PID1: variants seen among roughly 807,000 people sequenced by gnomAD.
The protein encoded by PID1 is phosphotyrosine interaction domain containing 1.
Under a neutral mutation model 19.1 loss-of-function variants are expected in PID1, and 10 were observed. The ratio of observed to expected loss-of-function variants is 0.52; its 90% confidence interval spans 0.32 to 0.89. The LOEUF (loss-of-function observed/expected upper bound fraction) is 0.89. PID1 is among the 40% of genes least tolerant of loss of function. The probability of loss-of-function intolerance (pLI) is 0.03; values close to 1 mark genes in which losing one functional copy is unlikely to be tolerated. For missense variants in PID1, 248 were observed against 285.3 expected, an observed-to-expected ratio of 0.87 and a Z score of 0.94; for synonymous variants, 130 against 116.0, an observed-to-expected ratio of 1.12 and a Z score of -0.78.
chr2:229,046,386 G>A (rs1288227354), intron 2 of PID1, among the ~76,000 whole-genome samples: 1 of 147,308 alleles, frequency 6.8e-6, no homozygotes, highest in Non-Finnish European at 1.5e-5. Context: ...GTGTGCGTGT[G>A]TGTGTGTGTG....
chr2:229,138,430 C>T (rs1689900505), intron 2 of PID1, among the ~76,000 whole-genome samples: 1 of 151,916 alleles, frequency 6.6e-6, no homozygotes, highest in Non-Finnish European at 1.5e-5. Flanking sequence ...CCCTGCGTTC[C>T]CTCTAGTACT....
At chr2:229,068,417 G>A (rs1343434307) in intron 2 of PID1, among the ~76,000 whole-genome samples, 1 of 147,974 alleles carries the variant, frequency 6.8e-6, no homozygotes, top group Non-Finnish European at 1.5e-5. Context: ...CTGTCCGGGT[G>A]TAACGAATAC....
chr2:229,154,923 A>C (rs1690334376), intron 2 of PID1, among the ~76,000 whole-genome samples: 1 of 152,186 alleles, frequency 6.6e-6, no homozygotes, highest in Admixed American at 6.5e-5. Flanking sequence ...AAAAAATCCA[A>C]AGCTTACCAA....
intron 2 of PID1, among the ~76,000 whole-genome samples, chr2:229,040,189 A>C (rs1693742110): frequency 6.6e-6 from 1 of 151,692 alleles, no homozygotes; most frequent in Admixed American, 6.6e-5. Flanking sequence ...GAAGCTGAGG[A>C]GGGCGGATCA....
At chr2:229,092,768 G>A (rs1024470552) in intron 2 of PID1, among the ~76,000 whole-genome samples, 3 of 152,068 alleles carry the variant, frequency 2.0e-5, no homozygotes, top group African/African-American at 4.8e-5. Context: ...GCATCCTCTC[G>A]AAAAATAAAA....
chr2:229,127,132 A>C (rs542120031), intron 2 of PID1, among the ~76,000 whole-genome samples: 1 of 152,244 alleles, frequency 6.6e-6, no homozygotes, highest in African/African-American at 2.4e-5. Context: ...TCAATCATTT[A>C]GGACACCCAA....
At chr2:229,088,290 C>G (rs751305189) in intron 2 of PID1, among the ~76,000 whole-genome samples, 27 of 152,184 alleles carry the variant, frequency 1.8e-4, no homozygotes, top group South Asian at 6.2e-4. Flanking sequence ...AAACATTTAC[C>G]GAGCAACTAC....
intron 1 of PID1, among the ~76,000 whole-genome samples, chr2:229,193,770 C>T (rs999994536): frequency 6.7e-6 from 1 of 148,800 alleles, no homozygotes; most frequent in African/African-American, 2.5e-5. Flanking sequence ...AAAATTATAT[C>T]GTAGCCTTAT....
chr2:229,129,865 C>T (rs1029913265), intron 2 of PID1, among the ~76,000 whole-genome samples: 1 of 152,242 alleles, frequency 6.6e-6, no homozygotes, highest in Admixed American at 6.5e-5. Context: ...GTCGTGTTCA[C>T]ATTCGTTATA....
chr2:229,178,903 A>C (rs1258190396), intron 1 of PID1, among the ~76,000 whole-genome samples: 2 of 152,130 alleles, frequency 1.3e-5, no homozygotes, highest in Non-Finnish European at 2.9e-5. Flanking sequence ...CGGAGGACAC[A>C]TGGAGACCAT....
intron 1 of PID1, among the ~76,000 whole-genome samples, chr2:229,182,125 G>C (rs1362950789): frequency 1.3e-5 from 2 of 152,138 alleles, no homozygotes; most frequent in African/African-American, 4.8e-5. Flanking sequence ...ATACAATAAT[G>C]GTGGATACCT....
intron 2 of PID1, among the ~76,000 whole-genome samples, chr2:229,136,346 G>A (rs939309804): frequency 1.3e-5 from 2 of 152,054 alleles, no homozygotes; most frequent in African/African-American, 4.8e-5. Flanking sequence ...GAGAGACCCC[G>A]AGACACAGGT....
chr2:229,240,905 C>G (rs962845198), intron 1 of PID1, among the ~76,000 whole-genome samples: 2 of 152,064 alleles, frequency 1.3e-5, no homozygotes, highest in Admixed American at 1.3e-4. Flanking sequence ...TTTATTTCTT[C>G]TACATTGTTC....
At chr2:229,159,633 ATGTCC>A (rs960633169) in intron 1 of PID1, among the ~76,000 whole-genome samples, 1 of 152,156 alleles carries the variant, frequency 6.6e-6, no homozygotes, top group Non-Finnish European at 1.5e-5. Context: ...CTAAATATAG[ATGTCC>A]TACTAGTTCT....
intron 2 of PID1, among the ~76,000 whole-genome samples, chr2:229,060,651 A>G (rs995934395): frequency 6.6e-6 from 1 of 152,064 alleles, no homozygotes. Context: ...GGATTTCTGT[A>G]TCATATGGTC....
intron 2 of PID1, among the ~76,000 whole-genome samples, chr2:229,103,313 C>T (rs1695110864): frequency 6.6e-6 from 1 of 152,110 alleles, no homozygotes; most frequent in Non-Finnish European, 1.5e-5. Context: ...TTCGCACAGA[C>T]ACATGGTCCA....
chr2:229,056,795 G>A (rs1275637539), intron 2 of PID1, among the ~76,000 whole-genome samples: 1 of 151,822 alleles, frequency 6.6e-6, no homozygotes, highest in African/African-American at 2.4e-5. Flanking sequence ...TTCTACCTCC[G>A]TGTCCCTGGT....
chr2:229,076,430 A>C (rs553903981), intron 2 of PID1, among the ~76,000 whole-genome samples: 112 of 152,044 alleles, frequency 7.4e-4, no homozygotes, highest in African/African-American at 2.6e-3. Context: ...TTCTGGGATA[A>C]CTGTGCAGAA....
chr2:229,113,216 C>A (rs1695334290), intron 2 of PID1, among the ~76,000 whole-genome samples: 1 of 151,898 alleles, frequency 6.6e-6, no homozygotes, highest in Non-Finnish European at 1.5e-5. Flanking sequence ...TCCTCATCCA[C>A]TATATGAATT....
Sources: allele counts gnomAD v4.1 joint callset (sites outside exome capture counted in the v4.1 genomes callset), GRCh38; gene constraint gnomAD v4.1.1; transcripts MANE v1.5; gene names NCBI Gene and HGNC (gene_info 2026-07-23, HGNC 2026-07-21).